The following RYR2 variants were observed in gnomAD, a reference collection of about 807,000 sequenced individuals.
RYR2 encodes ryanodine receptor 2.
In RYR2, 227 loss-of-function variants were observed where a neutral mutation model predicts 601.1. That is an observed-to-expected ratio of 0.38 (90% CI 0.34 to 0.42). The LOEUF (loss-of-function observed/expected upper bound fraction) is 0.42. Among genes scored for constraint, RYR2 ranks in the 10% least tolerant of loss-of-function variants. The pLI, the probability that RYR2 is intolerant of heterozygous loss-of-function variation, is 1.00. For synonymous variants in RYR2, 2,223 were observed against 2,175.1 expected, an observed-to-expected ratio of 1.02 and a Z score of -0.61; for missense variants, 4,646 against 6,156.5, an observed-to-expected ratio of 0.75 and a Z score of 8.21.
At chr1:237,622,447 A>G (rs538698346) in intron 38 of RYR2, among the ~76,000 whole-genome samples, 15 of 152,334 alleles carry the variant, frequency 9.8e-5, no homozygotes, top group African/African-American at 2.9e-4. Context: ...ATTATTTAAA[A>G]TATTTTATAA....
intron 12 of RYR2, among the ~76,000 whole-genome samples, chr1:237,440,690 A>ATTCAAATAAATAATCATT (rs756021965): frequency 3.9e-4 from 59 of 152,326 alleles, no homozygotes; most frequent in Non-Finnish European, 4.3e-4. Flanking sequence ...TTTAGCTTTG[A>ATTCAAATAAATAATCATT]TTAGTTCAAA....
chr1:237,170,824 A>C (rs542587839), intron 1 of RYR2, among the ~76,000 whole-genome samples: 18 of 152,230 alleles, frequency 1.2e-4, no homozygotes, highest in Admixed American at 1.0e-3. Flanking sequence ...TGGAAAACAG[A>C]ATATGTGTAG....
rs751520306 is a variant in RYR2 at position 237,674,758 on chromosome 1, G to A, written c.8742G>A (p.Thr2914=). Residue 2914 remains threonine (T), a synonymous_variant, in exon 60 of 105, where the codon ACG becomes ACA. Transcript: ENST00000366574. ...SRGFKDLELD[T]PSIEKRFAYS... is the part of the protein sequence containing the mutation. Reference sequence around the variant, plus strand: ...GATTTAAGGACCTGGAACTGGACACGCCTTCTATTGAGAAACGATTTGCCT... The same window carrying A: ...GATTTAAGGACCTGGAACTGGACACACCTTCTATTGAGAAACGATTTGCCT... 40 of 1,611,616 alleles carry A rather than the reference G, an allele frequency of 2.5e-5. No homozygotes were observed. Among genetic ancestry groups the A allele is most frequent in the Non-Finnish European group, 3.1e-5 (36 of 1,178,148 alleles).
chr1:237,454,724 G>A, intron 15 of RYR2, 150 bp downstream of exon 15: 1 of 661,816 alleles, frequency 1.5e-6, no homozygotes, highest in African/African-American at 1.8e-5. Context: ...ACAGGCCTTA[G>A]AGAAATCTCG....
At chr1:237,808,382 C>A (rs112312895) in intron 99 of RYR2, among the ~76,000 whole-genome samples, 1 of 151,952 alleles carries the variant, frequency 6.6e-6, no homozygotes, top group African/African-American at 2.4e-5. Context: ...AAGAAAGGGC[C>A]GGGCACGGTG....
intron 1 of RYR2, among the ~76,000 whole-genome samples, chr1:237,259,199 A>AT: frequency 6.6e-6 from 1 of 152,148 alleles, no homozygotes. Flanking sequence ...TAGCTATATT[A>AT]TTTTTGAGAT....
intron 27 of RYR2, among the ~76,000 whole-genome samples, chr1:237,561,554 G>A (rs1671459345): frequency 6.6e-6 from 1 of 152,174 alleles, no homozygotes; most frequent in Non-Finnish European, 1.5e-5. Context: ...TACATCTGAT[G>A]TGATTAAGTG....
Position 237,589,871 on chromosome 1 carries a change from A to G in RYR2, c.3677A>G (p.Tyr1226Cys), listed in dbSNP as rs371124046. 1.2e-6 allele frequency: 2 copies of G among 1,613,676 alleles called. No homozygotes were observed. Among genetic ancestry groups the G allele is most frequent in the African/African-American group, 2.7e-5 (2 of 74,858 alleles). ...GGAAAGGATGTCAGCACCTTGAAAT[A>G]TTTCACCATCTGTGGCTTACAAGAG... ...NFGKDVSTLK[Y>C]FTICGLQEGY... The change falls in exon 30 of 105, where the codon TAT (tyrosine) becomes TGT (cysteine). Residue 1226 changes from tyrosine (Y) to cysteine (C), a missense_variant. This residue lies in a region of RYR2 where 1,807 missense variants were observed against 2,088.1 expected (regional missense o/e 0.87). Transcript: ENST00000366574.
intron 97 of RYR2, among the ~76,000 whole-genome samples, chr1:237,798,791 C>CAG (rs1659591642): frequency 9.1e-6 from 1 of 110,328 alleles, no homozygotes; most frequent in African/African-American, 3.2e-5. Context: ...CACACACACA[C>CAG]ACACACACAC....
At chr1:237,551,894 T>A (rs2148123702) in intron 27 of RYR2, among the ~76,000 whole-genome samples, 1 of 152,300 alleles carries the variant, frequency 6.6e-6, no homozygotes, top group East Asian at 1.9e-4. Flanking sequence ...ATAAGGAAAC[T>A]GAGATTCAGG....
At chr1:237,411,379 G>C (rs1393610917) in intron 10 of RYR2, among the ~76,000 whole-genome samples, 1 of 152,084 alleles carries the variant, frequency 6.6e-6, no homozygotes, top group Non-Finnish European at 1.5e-5. Flanking sequence ...TAATAGGTAG[G>C]CTTCATTTCC....
chr1:237,391,217 G>T (rs778828272), intron 10 of RYR2, among the ~76,000 whole-genome samples: 2 of 152,098 alleles, frequency 1.3e-5, no homozygotes, highest in Non-Finnish European at 2.9e-5. Flanking sequence ...GCAAAGGATA[G>T]CTCACCCCGG....
chr1:237,349,686 C>T (rs1410567062), intron 3 of RYR2, among the ~76,000 whole-genome samples: 1 of 152,136 alleles, frequency 6.6e-6, no homozygotes, highest in Non-Finnish European at 1.5e-5. Flanking sequence ...CTAATTTATA[C>T]TTATAATGAA....
chr1:237,508,909 A>AT (rs1350745999), intron 23 of RYR2, among the ~76,000 whole-genome samples: 3 of 149,180 alleles, frequency 2.0e-5, no homozygotes, highest in Non-Finnish European at 3.0e-5. Context: ...CGCCCGGCTA[A>AT]TTTTTTGTAT....
intron 4 of RYR2, among the ~76,000 whole-genome samples, chr1:237,362,589 C>T (rs1699867687): frequency 6.6e-6 from 1 of 152,096 alleles, no homozygotes; most frequent in Admixed American, 6.6e-5. Context: ...AACTAATATA[C>T]TCATCTTTTT....
intron 1 of RYR2, among the ~76,000 whole-genome samples, chr1:237,094,882 C>T (rs1259605393): frequency 6.6e-6 from 1 of 152,204 alleles, no homozygotes; most frequent in African/African-American, 2.4e-5. Flanking sequence ...TGAGCCACCG[C>T]ACCCGGCCTT....
At chr1:237,261,033 C>CA (rs1295157700) in intron 1 of RYR2, among the ~76,000 whole-genome samples, 16 of 151,914 alleles carry the variant, frequency 1.1e-4, no homozygotes, top group Non-Finnish European at 1.6e-4. Flanking sequence ...TTAACAAAAA[C>CA]AAAAAAATAG....
At chr1:237,419,591 A>AGG (rs1705355148) in intron 11 of RYR2, among the ~76,000 whole-genome samples, 1 of 152,174 alleles carries the variant, frequency 6.6e-6, no homozygotes. Context: ...GATGTCACTG[A>AGG]GGGGAATACC....
intron 98 of RYR2, among the ~76,000 whole-genome samples, chr1:237,802,941 T>A (rs1629566): frequency 1.3e-5 from 2 of 151,752 alleles, no homozygotes; most frequent in Admixed American, 6.6e-5. Context: ...CGTTCTGCTA[T>A]TTTAGTAGGC....
Sources: allele counts gnomAD v4.1 joint callset (sites outside exome capture counted in the v4.1 genomes callset), GRCh38; gene constraint gnomAD v4.1.1; regional missense constraint gnomAD v4.1.1; transcripts MANE v1.5; gene names NCBI Gene and HGNC (gene_info 2026-07-23, HGNC 2026-07-21).